Variants in HMGCLL1 observed in about 807,000 individuals in gnomAD.
HMGCLL1 encodes the protein 3-hydroxy-3-methylglutaryl-CoA lyase like 1, also known as 3-hydroxymethyl-3-methylglutaryl-CoA lyase, cytoplasmic.
HMGCLL1 carries 36 observed loss-of-function variants against 39.1 expected under a neutral mutation model. The ratio of observed to expected loss-of-function variants is 0.92; its 90% CI spans 0.71 to 1.22. The LOEUF (loss-of-function observed/expected upper bound fraction) is 1.22. Among genes scored for constraint, HMGCLL1 ranks in the 50% most tolerant of loss-of-function variants. HMGCLL1 has a pLI of 0.00. For synonymous variants in HMGCLL1, 149 were observed against 144.0 expected (o/e 1.03, Z -0.25); for missense variants, 451 against 416.5 (o/e 1.08, Z -0.72).
At chr6:55,544,919 T>C (rs1271890624) in intron 1 of HMGCLL1, among the ~76,000 whole-genome samples, 1 of 152,128 alleles carries the variant, frequency 6.6e-6, no homozygotes, top group Non-Finnish European at 1.5e-5. Context: ...AGCTTTAAAC[T>C]CCATTTGGAT....
chr6:55,615,242 A>G, the HMGCLL1 span, among the ~76,000 whole-genome samples: 2 of 152,152 alleles, frequency 1.3e-5, no homozygotes, highest in African/African-American at 4.8e-5. Flanking sequence ...TATAAAAATT[A>G]TGCTATGATT....
At chr6:55,468,747 T>C (rs1012142073) in intron 7 of HMGCLL1, among the ~76,000 whole-genome samples, 6 of 151,942 alleles carry the variant, frequency 3.9e-5, no homozygotes, top group Non-Finnish European at 5.9e-5. Context: ...AATTTAATCA[T>C]AGACATTTAG....
chr6:55,610,140 C>T, the HMGCLL1 span, among the ~76,000 whole-genome samples: 1 of 152,088 alleles, frequency 6.6e-6, no homozygotes, highest in African/African-American at 2.4e-5. Context: ...CAAATGATCG[C>T]AATGCCTCTC....
At chr6:55,581,429 A>C (rs1771984823), upstream of HMGCLL1, among the ~76,000 whole-genome samples, 1 of 152,164 alleles carries the variant, frequency 6.6e-6, no homozygotes, top group Non-Finnish European at 1.5e-5. Context: ...AGAATGTTTA[A>C]TCTAATGAAT....
the HMGCLL1 span, among the ~76,000 whole-genome samples, chr6:55,622,575 A>C: frequency 3.9e-5 from 6 of 152,076 alleles, no homozygotes; most frequent in Non-Finnish European, 8.8e-5. Context: ...TGATTTGTGC[A>C]TGTTGAACCA....
At chr6:55,652,918 T>C in the HMGCLL1 span, among the ~76,000 whole-genome samples, 2 of 152,108 alleles carry the variant, frequency 1.3e-5, no homozygotes, top group Non-Finnish European at 2.9e-5. Context: ...TTTATCTGTA[T>C]GCAAATGTGT....
chr6:55,531,450 T>C (rs1397742820), intron 3 of HMGCLL1, among the ~76,000 whole-genome samples: 2 of 152,206 alleles, frequency 1.3e-5, no homozygotes, highest in Admixed American at 6.5e-5. Context: ...AAGGTACTTT[T>C]AGTCAGATAC....
intron 7 of HMGCLL1, among the ~76,000 whole-genome samples, chr6:55,455,054 C>T (rs550741806): frequency 2.6e-5 from 4 of 152,164 alleles, no homozygotes; most frequent in African/African-American, 9.6e-5. Flanking sequence ...CTGCAGTGAG[C>T]TATGATCATA....
chr6:55,659,571 G>C, the HMGCLL1 span, among the ~76,000 whole-genome samples: 1 of 151,884 alleles, frequency 6.6e-6, no homozygotes, highest in Non-Finnish European at 1.5e-5. Context: ...GATTTTTCCA[G>C]ACTTCTCATA....
At chr6:55,442,609 A>T (rs769790029) in intron 7 of HMGCLL1, among the ~76,000 whole-genome samples, 5 of 152,162 alleles carry the variant, frequency 3.3e-5, no homozygotes, top group African/African-American at 1.2e-4. Context: ...TTGGGACCTA[A>T]GGAAAGTTTA....
rs574279173 is a variant in HMGCLL1 at position 55,559,170 on chromosome 6, G to C, written c.109-17030C>G. ...GAAATTAAATTAAATGAGACTTTTTGTTCCCGCCAAAAAAAGTCCACGAAA... is the reference window on the plus strand; with the variant it reads ...GAAATTAAATTAAATGAGACTTTTTCTTCCCGCCAAAAAAAGTCCACGAAA... On this transcript the variant is annotated intron_variant, in intron 1 of 8. Coordinates refer to ENST00000274901, the MANE Select transcript of HMGCLL1 (RefSeq NM_001042406.2). Among the ~76,000 whole-genome samples, 4 of 152,174 alleles carry C rather than the reference G, an allele frequency of 2.6e-5. No individual in the cohort carries two copies. The East Asian group carries it at 7.7e-4, about 29-fold the overall frequency.
In HMGCLL1 at chr6:55,435,732, C is replaced by G. The variant is rs373467937; in HGVS notation, c.953G>C (p.Gly318Ala). 1.2e-6 allele frequency: 2 copies of G among 1,603,102 alleles called. No individual in the cohort carries two copies. Among genetic ancestry groups the G allele is most frequent in the Admixed American group, 3.4e-5 (2 of 59,164 alleles). Residue 318 changes from glycine (G) to alanine (A), a missense_variant, in exon 9 of 9, where the codon GGT becomes GCT. Transcript: ENST00000274901. Reference protein sequence around the residue: ...GVNLYKVMEAGDFICKAVNKT... With the variant: ...GVNLYKVMEAADFICKAVNKT... ...ATTCACAGCTTTGCAAATAAAGTCA[C>G]CAGCTTCCATCACTTTGTATAGATT...
intron 3 of HMGCLL1, among the ~76,000 whole-genome samples, chr6:55,518,371 A>G (rs146646394): frequency 1.3e-5 from 2 of 152,306 alleles, no homozygotes; most frequent in East Asian, 3.9e-4. Flanking sequence ...TACAAGCTGC[A>G]GTCCTTCACT....
At chr6:55,639,168 T>C in the HMGCLL1 span, among the ~76,000 whole-genome samples, 1 of 152,060 alleles carries the variant, frequency 6.6e-6, no homozygotes, top group Non-Finnish European at 1.5e-5. Context: ...AAGTAATTCA[T>C]GTGACTGACA....
intron 7 of HMGCLL1, among the ~76,000 whole-genome samples, chr6:55,490,020 A>G (rs1010861902): frequency 7.9e-5 from 12 of 152,126 alleles, no homozygotes; most frequent in African/African-American, 2.9e-4. Context: ...GCAGAAAACC[A>G]TAACACTTGG....
chr6:55,515,441 T>C, intron 4 of HMGCLL1, among the ~76,000 whole-genome samples: 1 of 152,208 alleles, frequency 6.6e-6, no homozygotes, highest in East Asian at 1.9e-4. Context: ...GATGTGCTTT[T>C]TGTCATCTAC....
intron 1 of HMGCLL1, among the ~76,000 whole-genome samples, chr6:55,566,956 C>T (rs190930789): frequency 5.1e-4 from 78 of 152,068 alleles, no homozygotes; most frequent in African/African-American, 1.8e-3. Flanking sequence ...AAGTTTAATA[C>T]CAGAAATGTT....
At chr6:55,583,404 T>C (rs906604473), upstream of HMGCLL1, among the ~76,000 whole-genome samples, 30 of 152,012 alleles carry the variant, frequency 2.0e-4, no homozygotes, top group African/African-American at 7.3e-4. Context: ...GTCCGTGTGT[T>C]CTCATTGTTC....
In HMGCLL1 at chr6:55,495,568, A is replaced by G; in HGVS notation, c.646T>C (p.Ser216Pro). Residue 216 changes from serine to proline, a missense_variant, in exon 7 of 9, where the codon TCT becomes CCT. Transcript: ENST00000274901. The stretch of plus-strand genomic sequence containing the variant: ...CCCACTCCAATTGTGTCTCCTAGAG[A>G]GATCTCATAACAACCCATGCCGTAC... ...RLYGMGCYEI[S>P]LGDTIGVGTP... The G allele has an allele frequency of 6.2e-7, 1 of 1,611,908 alleles. No individual in the cohort carries two copies. Among genetic ancestry groups the G allele is most frequent in the Non-Finnish European group, 8.5e-7 (1 of 1,178,970 alleles).
Sources: gnomAD v4.1 joint callset for allele counts (sites outside exome capture counted in the v4.1 genomes callset) on GRCh38, gnomAD v4.1.1 for gene constraint, MANE v1.5 for transcripts, NCBI Gene and HGNC (gene_info 2026-07-23, HGNC 2026-07-21) for gene names.